DNA2: variants seen among roughly 807,000 people sequenced by gnomAD.
The protein encoded by DNA2 is DNA replication helicase/nuclease 2, also known as DNA replication ATP-dependent helicase/nuclease DNA2.
In DNA2, 101 loss-of-function variants were observed where a neutral mutation model predicts 119.1. The ratio of observed to expected loss-of-function variants is 0.85; its 90% CI spans 0.72 to 1.00. DNA2 has a LOEUF of 1.00. Ranked by LOEUF, DNA2 falls within the 50% of genes least tolerant of loss-of-function variation. The probability of loss-of-function intolerance (pLI) is 0.00; values close to 1 mark genes in which losing one functional copy is unlikely to be tolerated. For synonymous variants in DNA2, 366 were observed against 424.4 expected, an observed-to-expected ratio of 0.86 and a Z score of 1.69; for missense variants, 1,121 against 1,255.5, an observed-to-expected ratio of 0.89 and a Z score of 1.62.
chr10:68,416,681 G>A (rs1383141051), intron 20 of DNA2, 28 bp downstream of exon 20: 1 of 1,592,370 alleles, frequency 6.3e-7, no homozygotes, highest in Non-Finnish European at 8.6e-7. Flanking sequence ...GCAATCAAAT[G>A]TGACCATATA....
Position 68,471,931 on chromosome 10 carries a change from T to C in DNA2, c.-67A>G, listed in dbSNP as rs770817360. The C allele has an allele frequency of 3.1e-6, 5 of 1,613,374 alleles. No individual in the cohort carries two copies. The highest frequency in any genetic ancestry group is 4.2e-6 in the Non-Finnish European group (5 of 1,179,558). ...GGAACCGGGGGTAACACAGAAAGCT[T>C]AGAAAAGGGAAAAAGGCGCGAGCCT... On this transcript the variant is annotated 5_prime_UTR_variant, in exon 1 of 21. Transcript: ENST00000358410.
intron 8 of DNA2, among the ~76,000 whole-genome samples, chr10:68,444,241 T>C (rs1466488164): frequency 6.6e-6 from 1 of 151,050 alleles, no homozygotes; most frequent in Non-Finnish European, 1.5e-5. Flanking sequence ...AATACAAAAA[T>C]TAGCTGGGTG....
At position 68,419,202 on chromosome 10, in the gene DNA2, A is replaced by AC; in HGVS notation, c.2798dup (p.Ser933ArgfsTer4). The AC allele has an allele frequency of 6.3e-7, 1 of 1,586,322 alleles. No homozygotes were observed. The highest frequency in any genetic ancestry group is 8.5e-7 in the Non-Finnish European group (1 of 1,170,060). ...GTGCAATAATACCAATATCAGAGGG[A>AC]CTGCATCCAGCCTAAATAGAAAAAG... On this transcript the variant is annotated frameshift_variant, in exon 19 of 21. Coordinates refer to ENST00000358410, the MANE Select transcript of DNA2 (RefSeq NM_001080449.3). LOFTEE classifies it high-confidence loss of function.
At chr10:68,426,343 G>C (rs1214108921) in intron 14 of DNA2, among the ~76,000 whole-genome samples, 1 of 150,972 alleles carries the variant, frequency 6.6e-6, no homozygotes, top group Non-Finnish European at 1.5e-5. Flanking sequence ...TTTGAGACCA[G>C]CCTGGCCAAC....
At position 68,445,389 on chromosome 10, in the gene DNA2, G is replaced by C. The variant is rs144840488; in HGVS notation, c.1058-306C>G. On this transcript the variant is annotated intron_variant, in intron 7 of 20. Coordinates refer to ENST00000358410, the MANE Select transcript of DNA2 (RefSeq NM_001080449.3). ...GAGGCAGGAGAATCACCTGAACCTG[G>C]GAGGCGGAGATTGCAGGGAGCTGAG... Among the ~76,000 whole-genome samples the C allele has an allele frequency of 6.3e-3, 960 of 151,780 alleles. 9 individuals are homozygous for C. The highest frequency in any genetic ancestry group is 0.022 in the African/African-American group (896 of 41,526).
At chr10:68,443,888 T>C (rs1399039232) in intron 8 of DNA2, among the ~76,000 whole-genome samples, 1 of 151,246 alleles carries the variant, frequency 6.6e-6, no homozygotes, top group African/African-American at 2.4e-5. Context: ...GAGGTGGAGG[T>C]TGCAGTGAGC....
chr10:68,418,880 C>G (rs1021666262), intron 19 of DNA2, among the ~76,000 whole-genome samples, 154 bp downstream of exon 19: 6 of 151,686 alleles, frequency 4.0e-5, no homozygotes, highest in Admixed American at 3.3e-4. Context: ...GCCATGCTGT[C>G]CAGGCTGGTC....
intron 2 of DNA2, among the ~76,000 whole-genome samples, chr10:68,468,870 T>C (rs1418641196): frequency 1.3e-5 from 2 of 151,934 alleles, no homozygotes; most frequent in Non-Finnish European, 2.9e-5. Context: ...GGCAACATGG[T>C]GAAACCCCGT....
chr10:68,446,863 G>T (rs912288398), intron 6 of DNA2, among the ~76,000 whole-genome samples: 2 of 152,062 alleles, frequency 1.3e-5, no homozygotes, highest in Non-Finnish European at 2.9e-5. Context: ...GGGTGGTGCG[G>T]GGGGAGAAGT....
chr10:68,443,319 T>G (rs951679040), intron 8 of DNA2, among the ~76,000 whole-genome samples: 2 of 152,232 alleles, frequency 1.3e-5, no homozygotes, highest in African/African-American at 4.8e-5. Context: ...TGCATTATTT[T>G]GCCTTCAGCG....
At chr10:68,448,882 A>G (rs1234556712) in intron 6 of DNA2, among the ~76,000 whole-genome samples, 1 of 151,848 alleles carries the variant, frequency 6.6e-6, no homozygotes, top group African/African-American at 2.4e-5. Context: ...GGTTTGAGCA[A>G]TTCTCAGCCT....
In DNA2 at chr10:68,450,136, A is replaced by G. The variant is rs577649991; in HGVS notation, c.831T>C (p.Asp277=). 6 of 1,608,030 alleles carry G rather than the reference A, an allele frequency of 3.7e-6. No individual in the cohort carries two copies. In the African/African-American group the frequency reaches 8.0e-5, roughly 21 times the overall value. Residue 277 remains aspartate (D), a synonymous_variant, in exon 6 of 21, where the codon GAT becomes GAC. Coordinates refer to ENST00000358410, the MANE Select transcript of DNA2 (RefSeq NM_001080449.3). ...GATGTATTTTCACACCAACTGTAAC[A>G]TCTATTTTGCCTTTCAATCCAAACC... ...SPRFGLKGKI[D]VTVGVKIHRG...
chr10:68,459,117 T>C lies in DNA2; in HGVS notation c.706A>G (p.Met236Val). 6.3e-7 allele frequency: 1 copy of C among 1,599,112 alleles called. No homozygotes were observed. Among genetic ancestry groups the C allele is most frequent in the Non-Finnish European group, 8.5e-7 (1 of 1,172,362 alleles). Reference protein sequence around the residue: ...HKNTSTDFPQMQLSLPSDNSK... With the variant: ...HKNTSTDFPQVQLSLPSDNSK... ...TGTGTTTCTTACAGAGAGAGCTGCA[T>C]CTGAGGGAAGTCAGTCGAAGTGTTT... Residue 236 changes from methionine to valine, a missense_variant, in exon 5 of 21, where the codon ATG (methionine) becomes GTG (valine). Transcript: ENST00000358410.
rs2052348674 is a variant in DNA2, at chr10:68,468,194, G to T, written c.370C>A (p.Leu124Met). 2.5e-6 allele frequency: 4 copies of T among 1,611,804 alleles called. No individual in the cohort carries two copies. Among genetic ancestry groups the T allele is most frequent in the Non-Finnish European group, 3.4e-6 (4 of 1,179,156 alleles). ...CTGGCTATGCTGGTGCCAGAAATCAGCATGTCTGGATACAGAATCAAATAT... is the reference window on the plus strand; with the variant it reads ...CTGGCTATGCTGGTGCCAGAAATCATCATGTCTGGATACAGAATCAAATAT... ...FGYLILYPDM[L>M]ISGTSIASSI... is the part of the protein sequence containing the mutation. Residue 124 changes from leucine (L) to methionine (M), a missense_variant, in exon 3 of 21, where the codon CTG becomes ATG. By Grantham distance (15) the Leu-to-Met change is conservative. Transcript: ENST00000358410.
upstream of DNA2, among the ~76,000 whole-genome samples, chr10:68,472,424 C>A (rs2052394106): frequency 6.6e-6 from 1 of 152,074 alleles, no homozygotes; most frequent in Non-Finnish European, 1.5e-5. Flanking sequence ...ACTCCTTGAT[C>A]ATGCCACGGC....
At chr10:68,421,037 CAA>C (rs2051657964) in intron 17 of DNA2, among the ~76,000 whole-genome samples, 1 of 151,802 alleles carries the variant, frequency 6.6e-6, no homozygotes, top group Non-Finnish European at 1.5e-5. Context: ...CTCCCAGGTT[CAA>C]GCGATTCTCC....
rs2052041184 is a variant in DNA2, at chr10:68,446,433, T to G, written c.940-20A>C. On this transcript the variant is annotated intron_variant, in intron 6 of 20. Coordinates refer to ENST00000358410, the MANE Select transcript of DNA2 (RefSeq NM_001080449.3). The stretch of plus-strand genomic sequence containing the variant: ...AACAACCTGTGCAAACATTGACATT[T>G]GCTCAAACAAAACTATAACTTCTTG... 2.1e-6 allele frequency: 3 copies of G among 1,434,062 alleles called. No homozygotes were observed. The highest frequency in any genetic ancestry group is 2.9e-6 in the Non-Finnish European group (3 of 1,045,796). The allele number at this position is 1,434,062 out of a possible 1,614,324, so 88.8% of individuals were successfully genotyped here.
chr10:68,450,011 CTTA>C lies in DNA2; in HGVS notation c.939+14_939+16del. 1 of 1,336,788 alleles carries C rather than the reference CTTA, an allele frequency of 7.5e-7. No homozygotes were observed. Among genetic ancestry groups the C allele is most frequent in the Non-Finnish European group, 1.0e-6 (1 of 973,990 alleles). The allele number at this position is 1,336,788 out of a possible 1,614,324, so 82.8% of individuals were successfully genotyped here. A position where few individuals can be genotyped will look rare whatever the true frequency, so the allele number is the denominator to read the frequency against. ...AAAAAAGTATAAAACAGACAATTTTCTTATTAACATTTATACCTGACTACGGTG... is the reference window on the plus strand; with the variant it reads ...AAAAAAGTATAAAACAGACAATTTTCTTAACATTTATACCTGACTACGGTG... On this transcript the variant is annotated intron_variant, in intron 6 of 20. Transcript: ENST00000358410.
intron 10 of DNA2, among the ~76,000 whole-genome samples, chr10:68,432,818 G>A (rs775435842): frequency 6.6e-6 from 1 of 152,134 alleles, no homozygotes; most frequent in Non-Finnish European, 1.5e-5. Flanking sequence ...GATCCTGAAT[G>A]CATGGCTCTT....
Sources: gnomAD v4.1 joint callset for allele counts (sites outside exome capture counted in the v4.1 genomes callset) on GRCh38, gnomAD v4.1.1 for gene constraint, MANE v1.5 for transcripts, NCBI Gene and HGNC (gene_info 2026-07-23, HGNC 2026-07-21) for gene names.